FYN: variants seen among roughly 807,000 people sequenced by gnomAD.
The protein encoded by FYN is FYN proto-oncogene, Src family tyrosine kinase.
In FYN, 10 loss-of-function variants were observed where a neutral mutation model predicts 70.2. The ratio of observed to expected loss-of-function variants is 0.14; its 90% CI spans 0.09 to 0.24. The LOEUF is 0.24. FYN is among the 10% of genes least tolerant of loss of function. The pLI, the probability that FYN is intolerant of heterozygous loss-of-function variation, is 1.00. For missense variants in FYN, 319 were observed against 673.1 expected (o/e 0.47, Z 5.82); for synonymous variants, 236 against 248.6 (o/e 0.95, Z 0.48).
chr6:111,844,048 C>A (rs1773445894), intron 2 of FYN, among the ~76,000 whole-genome samples: 1 of 152,158 alleles, frequency 6.6e-6, no homozygotes, highest in African/African-American at 2.4e-5. Context: ...GCTCTGAGCC[C>A]AGACAGATCT....
At chr6:111,747,146 T>C (rs185411105) in intron 3 of FYN, among the ~76,000 whole-genome samples, 41 of 152,292 alleles carry the variant, frequency 2.7e-4, no homozygotes, top group Non-Finnish European at 2.5e-4. Flanking sequence ...CTTTAGTAAG[T>C]AGATTAAGAG....
chr6:111,669,125 A>C (rs1238223447), intron 13 of FYN, among the ~76,000 whole-genome samples: 3 of 152,152 alleles, frequency 2.0e-5, no homozygotes, highest in African/African-American at 7.2e-5. Context: ...TGAATGAATA[A>C]GTGTGGTTTG....
intron 2 of FYN, among the ~76,000 whole-genome samples, chr6:111,831,412 A>T (rs1409073934): frequency 6.6e-6 from 1 of 152,224 alleles, no homozygotes; most frequent in Non-Finnish European, 1.5e-5. Flanking sequence ...TGTTAAAAGC[A>T]TATTTTAAAA....
intron 2 of FYN, among the ~76,000 whole-genome samples, chr6:111,805,374 C>T (rs1348117983): frequency 6.6e-6 from 1 of 152,186 alleles, no homozygotes; most frequent in Non-Finnish European, 1.5e-5. Flanking sequence ...TTGGGACATA[C>T]TTACATTAAA....
chr6:111,697,055 C>T (rs1368193377), intron 9 of FYN, among the ~76,000 whole-genome samples: 4 of 152,182 alleles, frequency 2.6e-5, no homozygotes, highest in African/African-American at 9.7e-5. Context: ...CAAGGTAAGG[C>T]AAATTTCCTC....
intron 5 of FYN, 26 bp from the exon 6 acceptor site, chr6:111,708,046 A>C: frequency 1.3e-6 from 2 of 1,546,686 alleles, no homozygotes; most frequent in Non-Finnish European, 8.9e-7. Flanking sequence ...AAAAGTAAAT[A>C]TGTTGACCAT....
intron 1 of FYN, among the ~76,000 whole-genome samples, chr6:111,848,311 A>G (rs990797804): frequency 6.6e-6 from 1 of 152,234 alleles, no homozygotes; most frequent in African/African-American, 2.4e-5. Flanking sequence ...TTTCCAAAGT[A>G]GGGAAGAAAC....
At chr6:111,702,183 C>T (rs1303283972) in intron 8 of FYN, among the ~76,000 whole-genome samples, 1 of 151,968 alleles carries the variant, frequency 6.6e-6, no homozygotes, top group Non-Finnish European at 1.5e-5. Flanking sequence ...ACTTGCTAAT[C>T]TAGGAAAGAA....
chr6:111,711,068 A>G (rs542106712), intron 5 of FYN, among the ~76,000 whole-genome samples: 2 of 152,292 alleles, frequency 1.3e-5, no homozygotes, highest in South Asian at 4.1e-4. Context: ...CCACACCAAG[A>G]AAAGTGTCTA....
At chr6:111,707,832 C>A in intron 6 of FYN, 90 bp downstream of exon 6, 3 of 1,011,636 alleles carry the variant, frequency 3.0e-6, no homozygotes, top group Non-Finnish European at 4.6e-6. Context: ...CTGTGAATTT[C>A]TTCTCCCTCC....
At chr6:111,742,638 G>A (rs753910445) in intron 3 of FYN, among the ~76,000 whole-genome samples, 1 of 152,168 alleles carries the variant, frequency 6.6e-6, no homozygotes, top group Admixed American at 6.5e-5. Flanking sequence ...TGTGCAAAAA[G>A]GCCCTAATAG....
At chr6:111,786,502 T>C (rs1455852008) in intron 2 of FYN, among the ~76,000 whole-genome samples, 2 of 152,262 alleles carry the variant, frequency 1.3e-5, no homozygotes, top group African/African-American at 2.4e-5. Flanking sequence ...CTATTGTGAA[T>C]AGTGCCGCAA....
intron 2 of FYN, among the ~76,000 whole-genome samples, chr6:111,810,514 C>A (rs1176249159): frequency 6.6e-6 from 1 of 152,162 alleles, no homozygotes; most frequent in East Asian, 1.9e-4. Context: ...TTTAGTTCGG[C>A]CCTGTTTCAT....
chr6:111,742,920 G>A (rs1488038479), intron 3 of FYN, among the ~76,000 whole-genome samples: 4 of 151,696 alleles, frequency 2.6e-5, no homozygotes, highest in Non-Finnish European at 5.9e-5. Flanking sequence ...CCACAAGTTT[G>A]AGAAAGTGCT....
At chr6:111,709,707 G>A (rs1309103715) in intron 5 of FYN, among the ~76,000 whole-genome samples, 2 of 152,016 alleles carry the variant, frequency 1.3e-5, no homozygotes, top group African/African-American at 4.8e-5. Flanking sequence ...TCTTTGTTAG[G>A]AAATATTTAT....
intron 6 of FYN, among the ~76,000 whole-genome samples, chr6:111,705,077 CA>C (rs1292231329): frequency 7.3e-5 from 11 of 151,664 alleles, no homozygotes; most frequent in Admixed American, 7.2e-4. Flanking sequence ...AAAAAATAAA[CA>C]AAAAAACAAA....
intron 3 of FYN, among the ~76,000 whole-genome samples, chr6:111,774,364 A>T (rs115165722): frequency 0.015 from 2,321 of 152,290 alleles, 58 homozygotes; most frequent in African/African-American, 0.051. Context: ...GCGGGTGTGC[A>T]CCTGGCTCTA....
intron 2 of FYN, among the ~76,000 whole-genome samples, chr6:111,788,479 G>A (rs1200054317): frequency 1.3e-5 from 2 of 152,210 alleles, no homozygotes; most frequent in African/African-American, 2.4e-5. Flanking sequence ...GAACTGCTGT[G>A]TGAGTCTTTG....
At chr6:111,846,399 C>G (rs538428247) in intron 2 of FYN, among the ~76,000 whole-genome samples, 190 bp downstream of exon 2, 1 of 152,162 alleles carries the variant, frequency 6.6e-6, no homozygotes, top group East Asian at 1.9e-4. Flanking sequence ...AATAGTGGGT[C>G]CACCAAAGGA....
Sources: gnomAD v4.1 joint callset for allele counts (sites outside exome capture counted in the v4.1 genomes callset) on GRCh38, gnomAD v4.1.1 for gene constraint, MANE v1.5 for transcripts, NCBI Gene and HGNC (gene_info 2026-07-23, HGNC 2026-07-21) for gene names.